The following RTKN variants were observed in gnomAD, a reference collection of about 807,000 sequenced individuals.
The protein encoded by RTKN is rhotekin.
In RTKN, 49 loss-of-function variants were observed where a neutral mutation model predicts 63.5. That is an observed-to-expected ratio of 0.77 (90% confidence interval 0.61 to 0.98). RTKN has a LOEUF of 0.98. RTKN is among the 50% of genes least tolerant of loss of function. The probability of loss-of-function intolerance (pLI) is 0.00; values close to 1 mark genes in which losing one functional copy is unlikely to be tolerated. For missense variants in RTKN, 685 were observed against 740.8 expected, an observed-to-expected ratio of 0.92 and a Z score of 0.87; for synonymous variants, 295 against 290.4, an observed-to-expected ratio of 1.02 and a Z score of -0.16.
chr2:74,432,590 G>C lies in RTKN; in HGVS notation c.188C>G (p.Ser63Cys), dbSNP rs1670820271. Residue 63 changes from serine to cysteine, a missense_variant, in exon 2 of 12, where the codon TCC becomes TGC. Coordinates refer to ENST00000272430, the MANE Select transcript of RTKN (RefSeq NM_001015055.2). ...EGACKLLAAC[S>C]QREQALEATK... The stretch of plus-strand genomic sequence containing the variant: ...GGCCTCCAGAGCCTGCTCTCGCTGG[G>C]AGCAGGCTGCCAGCAGCTTACAGGC... 1.2e-6 allele frequency: 2 copies of C among 1,613,962 alleles called. No homozygotes were observed. The highest frequency in any genetic ancestry group is 1.7e-5 in the Admixed American group (1 of 60,000).
At chr2:74,432,215 T>C (rs1317450575) in intron 2 of RTKN, 3 of 657,070 alleles carry the variant, frequency 4.6e-6, no homozygotes, top group Non-Finnish European at 8.4e-6. Context: ...TTTGCATTAC[T>C]TGCTACCCTT....
At position 74,427,939 on chromosome 2, in the gene RTKN, G is replaced by T. The variant is rs80002022; in HGVS notation, c.1086+329C>A. 3,849 of 485,136 alleles carry T rather than the reference G, an allele frequency of 7.9e-3. 38 individuals carry two copies. The highest frequency in any genetic ancestry group is 0.027 in the African/African-American group (1,406 of 52,064). The allele number at this position is 485,136 out of a possible 1,614,324, so 30.1% of individuals were successfully genotyped here. Reference sequence around the variant, plus strand: ...GGATAGGGAGCAAAGAAGGGCAATTGGACCTGGAGAGAAATGGGAAGTGGT... The same window carrying T: ...GGATAGGGAGCAAAGAAGGGCAATTTGACCTGGAGAGAAATGGGAAGTGGT... On this transcript the variant is annotated intron_variant, in intron 9 of 11. Transcript: ENST00000272430.
intron 1 of RTKN, chr2:74,439,960 T>C: frequency 9.0e-7 from 1 of 1,116,054 alleles, no homozygotes; most frequent in Non-Finnish European, 1.1e-6. Flanking sequence ...CTCGCTTTGG[T>C]GGCAGCTGTT....
rs777150358 is a variant in RTKN at position 74,426,539 on chromosome 2, CTGTCACCGCTGCGA to C, written c.1382_1395del (p.Ile461ArgfsTer29). ...GCGCCCTCCCGCTGGGTCAGGATGT[CTGTCACCGCTGCGA>C]TGTCATCCAGCGGCTCAATAGCTGT... On this transcript the variant is annotated frameshift_variant, in exon 12 of 12. Coordinates refer to ENST00000272430, the MANE Select transcript of RTKN (RefSeq NM_001015055.2). LOFTEE classifies it high-confidence loss of function. 1.3e-6 allele frequency: 2 copies of C among 1,542,772 alleles called. No individual in the cohort carries two copies. Among genetic ancestry groups the C allele is most frequent in the South Asian group, 1.3e-5 (1 of 79,988 alleles).
rs1671090766 is a variant in RTKN at position 74,436,860 on chromosome 2, G to A, written c.112-4194C>T. Among the ~76,000 whole-genome samples the A allele has an allele frequency of 2.0e-5, 3 of 152,134 alleles. No individual in the cohort carries two copies. The South Asian group carries it at 6.2e-4, about 32-fold the overall frequency. ...GCTTCTAGCGTTTCCCCAACCCAGG[G>A]ATAGTTCCTTGTTGCCCCCTCCCCA... On this transcript the variant is annotated intron_variant, in intron 1 of 11. Transcript: ENST00000272430. This position sits in a 1 kb window ranked among gnomAD's most constrained non-coding sequence, Gnocchi z 4.3.
Position 74,441,708 on chromosome 2 carries a change from C to A in RTKN, c.109G>T (p.Glu37Ter). ...AGGCAGGGACGCGAGTCTCTCACCT[C>A]GGGCAGGTCGCTGAAGAGGCTGAGT... ...FRLSLFSDLP[E>*]DTELQRKLDH... The change falls in exon 1 of 12, where the codon GAG becomes TAG. Residue 37 changes from glutamate to a stop codon, truncating the protein, a stop_gained and splice_region_variant. Transcript: ENST00000272430. LOFTEE classifies it high-confidence loss of function. The A allele has an allele frequency of 1.2e-6, 2 of 1,608,210 alleles. No individual in the cohort carries two copies. Among genetic ancestry groups the A allele is most frequent in the Admixed American group, 1.7e-5 (1 of 59,650 alleles).
At position 74,430,384 on chromosome 2, in the gene RTKN, C is replaced by A; in HGVS notation, c.428-15G>T. ...GCGGTGCAAGTCTGGGGACAAAGGG[C>A]AAAACAAAAAACACGTCCCACGAGA... On this transcript the variant is annotated splice_polypyrimidine_tract_variant and intron_variant, in intron 4 of 11. Transcript: ENST00000272430. 6.2e-7 allele frequency: 1 copy of A among 1,613,898 alleles called. No individual in the cohort carries two copies. The highest frequency in any genetic ancestry group is 1.3e-5 in the African/African-American group (1 of 75,026).
chr2:74,426,247 A>G lies in RTKN; in HGVS notation c.1688T>C (p.Val563Ala). ...CTATGCCAGCACCTTTCTCTCTCAC[A>G]CTGGTGACTGGAGCCAAGTGCGAGG... The part of the protein sequence containing the change: ...GQPRTWLQSP[V>A] The change falls in exon 12 of 12, where the codon GTG (valine) becomes GCG (alanine). Residue 563 changes from valine (V) to alanine (A), a missense_variant. By Grantham distance (64) the Val-to-Ala change is moderately conservative. Transcript: ENST00000272430. 1.2e-6 allele frequency: 2 copies of G among 1,613,400 alleles called. No individual in the cohort carries two copies. The highest frequency in any genetic ancestry group is 1.3e-5 in the African/African-American group (1 of 74,986).
In RTKN at chr2:74,441,866, G is replaced by A; in HGVS notation, c.-50C>T. 1 of 1,175,202 alleles carries A rather than the reference G, an allele frequency of 8.5e-7. No homozygotes were observed. The highest frequency in any genetic ancestry group is 1.2e-6 in the Non-Finnish European group (1 of 803,994). The allele number at this position is 1,175,202 out of a possible 1,614,324, so 72.8% of individuals were successfully genotyped here. A position where few individuals can be genotyped will look rare whatever the true frequency, so the allele number is the denominator to read the frequency against. On this transcript the variant is annotated 5_prime_UTR_variant, in exon 1 of 12. Transcript: ENST00000272430. ...GCTCAGTGCGCTCCCCGCGCCGCCC[G>A]GCTTAGCCTCCTCTCCTCGGCTTCT...
Position 74,427,579 on chromosome 2 carries a change from C to T in RTKN, c.1100G>A (p.Arg367Gln), listed in dbSNP as rs151141302. 22 of 1,612,268 alleles carry T rather than the reference C, an allele frequency of 1.4e-5. No individual in the cohort carries two copies. Among genetic ancestry groups the T allele is most frequent in the African/African-American group, 9.4e-5 (7 of 74,840 alleles). ...TAGAGCCTGGTCCAGCTCCCCTGCC[C>T]GGACTCGAGTCTCCTGCAGGAGAAA... ...TIAVNKETRV[R>Q]AGELDQALGR... is the part of the protein sequence containing the mutation. Residue 367 changes from arginine to glutamine, a missense_variant, in exon 10 of 12, where the codon CGG becomes CAG. Arg to Gln is a conservative substitution (Grantham distance 43). Transcript: ENST00000272430.
chr2:74,427,177 T>C lies in RTKN; in HGVS notation c.1352A>G (p.His451Arg), dbSNP rs745434630. The C allele has an allele frequency of 1.9e-6, 3 of 1,613,656 alleles. No individual in the cohort carries two copies. The highest frequency in any genetic ancestry group is 2.5e-6 in the Non-Finnish European group (3 of 1,179,736). The change falls in exon 11 of 12, where the codon CAT (histidine) becomes CGT (arginine). Residue 451 changes from histidine (H) to arginine (R), a missense_variant. Coordinates refer to ENST00000272430, the MANE Select transcript of RTKN (RefSeq NM_001015055.2). ...ACATTCCTCTCACTTACCCATCTCA[T>C]GGTACAAGGACCCCTGCTTTGCCAG... is the stretch of plus-strand genomic sequence containing the variant. ...QALAKQGSLY[H>R]EMAIEPLDDI...
intron 6 of RTKN, 37 bp from the exon 7 acceptor site, chr2:74,428,979 G>A (rs1224503548): frequency 3.9e-6 from 6 of 1,543,008 alleles, no homozygotes; most frequent in Non-Finnish European, 5.4e-6. Context: ...CCAAGGGAGG[G>A]GCATGTTGGC....
chr2:74,441,610 C>T, intron 1 of RTKN, 96 bp downstream of exon 1: 1 of 843,950 alleles, frequency 1.2e-6, no homozygotes, highest in Non-Finnish European at 1.9e-6. Context: ...GCGTCTCCGC[C>T]CCTCGGCGTG....
chr2:74,441,633 G>A, intron 1 of RTKN, 73 bp downstream of exon 1: 2 of 1,092,150 alleles, frequency 1.8e-6, no homozygotes, highest in Middle Eastern at 2.7e-4. Context: ...CGCGGGCGAG[G>A]GAAGGAGGCC....
At chr2:74,427,737 G>A in intron 9 of RTKN, 145 bp from the exon 10 acceptor site, 1 of 819,978 alleles carries the variant, frequency 1.2e-6, no homozygotes, top group Non-Finnish European at 1.9e-6. Context: ...AGAGTAGGAA[G>A]GAATGGCAAA....
intron 9 of RTKN, chr2:74,427,894 G>C (rs900155431): frequency 3.1e-5 from 15 of 479,792 alleles, no homozygotes; most frequent in African/African-American, 2.7e-4. Flanking sequence ...ACAAAAAGTA[G>C]GCAGGAAAGC....
chr2:74,428,612 C>T lies in RTKN; in HGVS notation c.957+19G>A. On this transcript the variant is annotated intron_variant, in intron 8 of 11. Coordinates refer to ENST00000272430, the MANE Select transcript of RTKN (RefSeq NM_001015055.2). ...TCTGCCTTCTCCCTGCTCCCTTCCA[C>T]TCCTCAGGGCCCCCTCACCTGCACC... is the stretch of plus-strand genomic sequence containing the variant. 6.2e-7 allele frequency: 1 copy of T among 1,601,554 alleles called. No homozygotes were observed. Among genetic ancestry groups the T allele is most frequent in the Non-Finnish European group, 8.5e-7 (1 of 1,170,658 alleles).
chr2:74,441,842 C>T lies in RTKN; in HGVS notation c.-26G>A, dbSNP rs369018771. The T allele has an allele frequency of 1.3e-5, 19 of 1,458,072 alleles. No homozygotes were observed. The highest frequency in any genetic ancestry group is 1.7e-5 in the Non-Finnish European group (18 of 1,050,618). 90.3% of individuals were successfully genotyped at this position (1,458,072 alleles called of 1,614,324 possible). On this transcript the variant is annotated 5_prime_UTR_variant, in exon 1 of 12. Transcript: ENST00000272430. ...GCTGGCGGCCCTGCGACTTTGCCTG[C>T]TCAGTGCGCTCCCCGCGCCGCCCGG... is the stretch of plus-strand genomic sequence containing the variant.
At chr2:74,433,060 G>A (rs897897205) in intron 1 of RTKN, among the ~76,000 whole-genome samples, 2 of 152,012 alleles carry the variant, frequency 1.3e-5, no homozygotes, top group East Asian at 1.9e-4. Flanking sequence ...CGGCTAACAC[G>A]GTGAAACCCC....
Sources: gnomAD v4.1 joint callset for allele counts (sites outside exome capture counted in the v4.1 genomes callset) on GRCh38, gnomAD v4.1.1 for gene constraint, Gnocchi (gnomAD v3.1) non-coding constraint, MANE v1.5 for transcripts, NCBI Gene and HGNC (gene_info 2026-07-23, HGNC 2026-07-21) for gene names.